Variants in GDPD2 observed in about 807,000 individuals in gnomAD.
The protein encoded by GDPD2 is glycerophosphodiester phosphodiesterase 3.
Under a neutral mutation model 49.2 loss-of-function variants are expected in GDPD2, and 23 were observed. The observed-to-expected ratio is 0.47, with a 90% CI of 0.34 to 0.66. The LOEUF (loss-of-function observed/expected upper bound fraction) is 0.66, where lower values mean the gene tolerates loss of function less well. Among genes scored for constraint, GDPD2 ranks in the 30% least tolerant of loss-of-function variants. The pLI, the probability that GDPD2 is intolerant of heterozygous loss-of-function variation, is 0.01. For synonymous variants in GDPD2, 167 were observed against 171.4 expected (o/e 0.97, Z 0.20); for missense variants, 338 against 424.7 (o/e 0.80, Z 1.79).
rs41307254 is a variant in GDPD2, at chrX:70,433,261, C to T, written c.*175C>T. 8,628 of 448,707 alleles carry T rather than the reference C, an allele frequency of 0.019. 72 individuals are homozygous for T. The highest frequency in any genetic ancestry group is 0.027 in the Non-Finnish European group (6,883 of 255,550). 37.0% of individuals were successfully genotyped at this position (448,707 alleles called of 1,213,427 possible). On this transcript the variant is annotated 3_prime_UTR_variant, in exon 16 of 16. Coordinates refer to ENST00000374382, the MANE Select transcript of GDPD2 (RefSeq NM_017711.4). The stretch of plus-strand genomic sequence containing the variant: ...GCCCAGGTGATGGGCATTCCCTAAG[C>T]TGCTATGGAATCTGCTCCCTTTGGG...
At chrX:70,430,243 A>C (rs1216535049) in intron 12 of GDPD2, among the ~76,000 whole-genome samples, 180 bp downstream of exon 12, 2 of 112,742 alleles carry the variant, frequency 1.8e-5, no homozygotes, top group African/African-American at 6.4e-5. Flanking sequence ...AAGACAGACA[A>C]GGTTCCTGCT....
chrX:70,432,385 A>T lies in GDPD2; in HGVS notation c.1386A>T (p.Ala462=), dbSNP rs1047404149. Residue 462 remains alanine (A), a synonymous_variant, in exon 13 of 16, where the codon GCA becomes GCT. Coordinates refer to ENST00000374382, the MANE Select transcript of GDPD2 (RefSeq NM_017711.4). ...KPWLFSLLWC[A]GVDSVTTNDC... The stretch of plus-strand genomic sequence containing the variant: ...GGCTCTTCTCTCTGCTTTGGTGTGC[A>T]GGGGTGGATTCGGTCACCACCAACG... The T allele has an allele frequency of 4.1e-6, 5 of 1,206,615 alleles. No individual in the cohort carries two copies. The African/African-American group carries it at 7.0e-5, about 17-fold the overall frequency.
At chrX:70,432,537 C>T in intron 13 of GDPD2, 42 bp from the exon 14 acceptor site, 2 of 1,161,897 alleles carry the variant, frequency 1.7e-6, no homozygotes, top group Non-Finnish European at 2.4e-6. Flanking sequence ...TTACTTATTT[C>T]CCCTGACATT....
chrX:70,423,699 G>C (rs930829435), intron 1 of GDPD2, among the ~76,000 whole-genome samples: 1 of 111,120 alleles, frequency 9.0e-6, no homozygotes, highest in Non-Finnish European at 1.9e-5. Flanking sequence ...GAAGGGTCTC[G>C]TAGAGGGGAG....
intron 2 of GDPD2, 132 bp from the exon 3 acceptor site, chrX:70,425,222 A>C: frequency 1.5e-6 from 1 of 661,718 alleles, no homozygotes; most frequent in Non-Finnish European, 2.4e-6. Flanking sequence ...ATCTCCCTCA[A>C]ATATGGAAAG....
intron 12 of GDPD2, 106 bp from the exon 13 acceptor site, chrX:70,432,201 C>A: frequency 1.6e-6 from 1 of 642,313 alleles, no homozygotes; most frequent in Non-Finnish European, 2.5e-6. Flanking sequence ...GAGCTGATAC[C>A]TCCTTGGCAG....
intron 12 of GDPD2, chrX:70,430,952 ATTTTT>A (rs557583589): frequency 8.2e-5 from 31 of 377,604 alleles, no homozygotes; most frequent in Middle Eastern, 7.2e-4. Context: ...ATGCAAGGCT[ATTTTT>A]TTTTTTTTTT....
intron 10 of GDPD2, 116 bp from the exon 11 acceptor site, chrX:70,429,377 G>A: frequency 2.0e-6 from 1 of 500,044 alleles, no homozygotes; most frequent in Non-Finnish European, 3.3e-6. Flanking sequence ...AAAAGGCCCT[G>A]GCTCAGAGGT....
chrX:70,430,962 T>A, intron 12 of GDPD2: 1 of 435,603 alleles, frequency 2.3e-6, no homozygotes, highest in Middle Eastern at 5.6e-4. Flanking sequence ...ATTTTTTTTT[T>A]TTTTTTTTTA....
rs769771497 is a variant in GDPD2 at position 70,426,401 on chromosome X, G to A, written c.394G>A (p.Ala132Thr). ...GCTGCTCCTCATTATGCTGCTTGTG[G>A]CGGCTGGCCTTGTGGGACTGGACAT... ...VLLLLIMLLVAAGLVGLDIQW... is the reference protein window; with the variant it reads ...VLLLLIMLLVTAGLVGLDIQW... The change falls in exon 6 of 16, where the codon GCG becomes ACG. Residue 132 changes from alanine (A) to threonine (T), a missense_variant. This residue lies in a region of GDPD2 where 253 missense variants were observed against 330.4 expected (regional missense o/e 0.77). Coordinates refer to ENST00000374382, the MANE Select transcript of GDPD2 (RefSeq NM_017711.4). 7.4e-6 allele frequency: 9 copies of A among 1,210,232 alleles called. 1 individual carries two copies. The African/African-American group carries it at 1.6e-4, about 21-fold the overall frequency.
At position 70,426,857 on chromosome X, in the gene GDPD2, T is replaced by A. The variant is rs1870963515; in HGVS notation, c.557-9T>A. 1 of 1,207,454 alleles carries A rather than the reference T, an allele frequency of 8.3e-7. No individual in the cohort carries two copies. Among genetic ancestry groups the A allele is most frequent in the African/African-American group, 1.8e-5 (1 of 56,954 alleles). ...CCATTCTTGAAAGCCTGTCCCCCAC[T>A]CCCCACAGGTCCCAAGATTCTGCTA... On this transcript the variant is annotated splice_polypyrimidine_tract_variant and intron_variant, in intron 7 of 15. Transcript: ENST00000374382.
At chrX:70,425,314 G>A in intron 2 of GDPD2, 40 bp from the exon 3 acceptor site, 4 of 941,696 alleles carry the variant, frequency 4.2e-6, no homozygotes, top group East Asian at 3.1e-5. Context: ...TGAGTTTGAA[G>A]TAGGTATTGG....
chrX:70,427,692 A>C (rs368315056), intron 10 of GDPD2: 54 of 340,662 alleles, frequency 1.6e-4, no homozygotes, highest in East Asian at 1.5e-3. Context: ...GGATTCATAC[A>C]GGAGAGGATG....
At position 70,429,937 on chromosome X, in the gene GDPD2, A is replaced by T; in HGVS notation, c.1181A>T (p.Asp394Val). Residue 394 changes from aspartate to valine, a missense_variant, in exon 12 of 16, where the codon GAT (aspartate) becomes GTT (valine). By Grantham distance (152) the Asp-to-Val change is radical. This residue lies in a region of GDPD2 where 253 missense variants were observed against 330.4 expected (regional missense o/e 0.77). Coordinates refer to ENST00000374382, the MANE Select transcript of GDPD2 (RefSeq NM_017711.4). ...QAMVFWLPDEDRANVQRRAPG... is the reference protein window; with the variant it reads ...QAMVFWLPDEVRANVQRRAPG... Reference sequence around the variant, plus strand: ...CAGGTCTTTTGGCTACCAGATGAAGATCGGGCTAATGTCCAACGACGGGCA... The same window carrying T: ...CAGGTCTTTTGGCTACCAGATGAAGTTCGGGCTAATGTCCAACGACGGGCA... 8.3e-7 allele frequency: 1 copy of T among 1,211,304 alleles called. No individual in the cohort carries two copies. Among genetic ancestry groups the T allele is most frequent in the East Asian group, 3.0e-5 (1 of 33,853 alleles).
In GDPD2 at chrX:70,425,284, C is replaced by T. The variant is rs2086410550; in HGVS notation, c.106-70C>T. ...ACACGGGGCAGGCAGCTCCCTTTAG[C>T]TGCCACCCGTTGGGGACTCTGAGTT... On this transcript the variant is annotated intron_variant, in intron 2 of 15. Coordinates refer to ENST00000374382, the MANE Select transcript of GDPD2 (RefSeq NM_017711.4). 5.1e-6 allele frequency: 4 copies of T among 789,571 alleles called. No homozygotes were observed. The African/African-American group carries it at 6.1e-5, about 12-fold the overall frequency. 65.1% of individuals were successfully genotyped at this position (789,571 alleles called of 1,213,427 possible). A position where few individuals can be genotyped will look rare whatever the true frequency, so the allele number is the denominator to read the frequency against.
Position 70,429,987 on chromosome X carries a change from C to A in GDPD2, c.1231C>A (p.Arg411Ser), listed in dbSNP as rs35552527. The change falls in exon 12 of 16, where the codon CGT becomes AGT. Residue 411 changes from arginine (R) to serine (S), a missense_variant. By Grantham distance (110) the Arg-to-Ser change is moderately radical. Coordinates refer to ENST00000374382, the MANE Select transcript of GDPD2 (RefSeq NM_017711.4). The part of the protein sequence containing the change: ...RAPGMRQIYG[R>S]QGGNRTERPQ... ...ACCTGGAATGCGCCAGATATATGGACGTCAGGGAGGCAACAGAACGGAGAG... is the reference window on the plus strand; with the variant it reads ...ACCTGGAATGCGCCAGATATATGGAAGTCAGGGAGGCAACAGAACGGAGAG... 889 of 1,207,215 alleles carry A rather than the reference C, an allele frequency of 7.4e-4. 7 individuals are homozygous for A. The African/African-American group carries it at 0.014, about 19-fold the overall frequency.
intron 11 of GDPD2, 71 bp downstream of exon 11, chrX:70,429,785 C>A: frequency 9.5e-7 from 1 of 1,053,825 alleles, no homozygotes; most frequent in Non-Finnish European, 1.3e-6. Context: ...GATTTTGAGG[C>A]TGCCCCTACC....
At chrX:70,432,208 G>A (rs969686513) in intron 12 of GDPD2, 99 bp from the exon 13 acceptor site, 3 of 677,346 alleles carry the variant, frequency 4.4e-6, no homozygotes, top group Non-Finnish European at 6.8e-6. Context: ...TACCTCCTTG[G>A]CAGTGGCACT....
intron 1 of GDPD2, among the ~76,000 whole-genome samples, chrX:70,424,046 G>T (rs1037328480): frequency 1.8e-5 from 2 of 111,691 alleles, no homozygotes; most frequent in East Asian, 5.6e-4. Context: ...AATCAGTCAC[G>T]TACCCAGCCA....
Sources: allele counts gnomAD v4.1 joint callset (sites outside exome capture counted in the v4.1 genomes callset), GRCh38; gene constraint gnomAD v4.1.1; regional missense constraint gnomAD v4.1.1; transcripts MANE v1.5; gene names NCBI Gene and HGNC (gene_info 2026-07-23, HGNC 2026-07-21).